Variants in ENOX1 observed in about 807,000 individuals in gnomAD.
The protein encoded by ENOX1 is ecto-NOX disulfide-thiol exchanger 1.
In ENOX1, 42 loss-of-function variants were observed where a neutral mutation model predicts 82.5. That is an observed-to-expected ratio of 0.51 (90% CI 0.40 to 0.66). ENOX1 has a LOEUF of 0.66. Among genes scored for constraint, ENOX1 ranks in the 30% least tolerant of loss-of-function variants. The pLI is 0.00. For missense variants in ENOX1, 608 were observed against 811.6 expected (o/e 0.75, Z 3.05); for synonymous variants, 271 against 282.2 (o/e 0.96, Z 0.40).
intron 2 of ENOX1, among the ~76,000 whole-genome samples, chr13:43,532,513 G>A (rs946189311): frequency 1.3e-5 from 2 of 152,104 alleles, no homozygotes; most frequent in East Asian, 3.8e-4. Flanking sequence ...AAAAGCAATG[G>A]TTGGTAAAAC....
chr13:43,589,665 A>C (rs2081154817), intron 2 of ENOX1, among the ~76,000 whole-genome samples: 2 of 152,262 alleles, frequency 1.3e-5, no homozygotes, highest in East Asian at 3.9e-4. Context: ...ACTATGCCCA[A>C]CTAATTTTTT....
At chr13:43,653,755 C>T (rs565697378) in intron 2 of ENOX1, among the ~76,000 whole-genome samples, 1 of 106,334 alleles carries the variant, frequency 9.4e-6, no homozygotes, top group East Asian at 2.9e-4. Context: ...TTGCATTTCC[C>T]ATACCTACTC....
At chr13:43,747,019 G>A (rs1950057816) in intron 1 of ENOX1, among the ~76,000 whole-genome samples, 1 of 152,144 alleles carries the variant, frequency 6.6e-6, no homozygotes, top group Admixed American at 6.6e-5. Context: ...AAGTGTTTCA[G>A]CTATTGGGAC....
chr13:43,541,486 G>A (rs991635846), intron 2 of ENOX1, among the ~76,000 whole-genome samples: 1 of 152,090 alleles, frequency 6.6e-6, no homozygotes, highest in African/African-American at 2.4e-5. Context: ...GGGCAAAAGT[G>A]CGAGAGCTGT....
At chr13:43,255,246 C>T (rs2043679713) in intron 14 of ENOX1, among the ~76,000 whole-genome samples, 1 of 152,052 alleles carries the variant, frequency 6.6e-6, no homozygotes, top group Admixed American at 6.5e-5. Context: ...TTCAACATCT[C>T]TTCATGATAA....
intron 2 of ENOX1, among the ~76,000 whole-genome samples, chr13:43,587,331 C>T (rs2081044571): frequency 6.6e-6 from 1 of 152,110 alleles, no homozygotes; most frequent in Non-Finnish European, 1.5e-5. Context: ...TTCTCTGGCC[C>T]ATCTCCAATT....
intron 15 of ENOX1, 79 bp from the exon 16 acceptor site, chr13:43,224,217 G>T: frequency 8.7e-7 from 1 of 1,151,014 alleles, no homozygotes; most frequent in Non-Finnish European, 1.3e-6. Context: ...TCTAATCCCA[G>T]TGACTATTTT....
At chr13:43,645,896 G>A (rs1219645905) in intron 2 of ENOX1, among the ~76,000 whole-genome samples, 3 of 152,160 alleles carry the variant, frequency 2.0e-5, no homozygotes, top group Admixed American at 1.3e-4. Flanking sequence ...ACTATTCAAG[G>A]ATGTCTGTAA....
chr13:43,557,915 T>C (rs1257349466), intron 2 of ENOX1, among the ~76,000 whole-genome samples: 1 of 152,194 alleles, frequency 6.6e-6, no homozygotes, highest in Non-Finnish European at 1.5e-5. Context: ...TCATAGCTGA[T>C]AGGGTGTGTA....
intron 1 of ENOX1, among the ~76,000 whole-genome samples, chr13:43,687,799 T>C (rs1399144971): frequency 6.6e-6 from 1 of 152,044 alleles, no homozygotes; most frequent in Admixed American, 6.6e-5. Flanking sequence ...GTAACTATAA[T>C]GACAGATGAA....
At chr13:43,355,060 C>A (rs556206089) in intron 8 of ENOX1, among the ~76,000 whole-genome samples, 97 of 152,320 alleles carry the variant, frequency 6.4e-4, no homozygotes, top group African/African-American at 2.3e-3. Flanking sequence ...TGGCCACCAA[C>A]TGTGACTTAC....
At chr13:43,331,067 T>C (rs1478510732) in intron 9 of ENOX1, among the ~76,000 whole-genome samples, 2 of 152,136 alleles carry the variant, frequency 1.3e-5, no homozygotes, top group African/African-American at 4.8e-5. Flanking sequence ...AGAATATCCA[T>C]TTATCCAGGA....
intron 1 of ENOX1, among the ~76,000 whole-genome samples, chr13:43,670,730 C>A (rs930297902): frequency 2.0e-5 from 3 of 152,022 alleles, no homozygotes; most frequent in African/African-American, 7.2e-5. Context: ...GTAATCCCAG[C>A]TACTCAGGAG....
chr13:43,264,369 G>A (rs1394901836), intron 14 of ENOX1, among the ~76,000 whole-genome samples: 1 of 152,150 alleles, frequency 6.6e-6, no homozygotes, highest in African/African-American at 2.4e-5. Context: ...AGTTCCCCGA[G>A]GGCAGACAAC....
intron 11 of ENOX1, among the ~76,000 whole-genome samples, chr13:43,302,532 C>T (rs1367915702): frequency 1.3e-5 from 2 of 152,000 alleles, no homozygotes; most frequent in African/African-American, 4.8e-5. Flanking sequence ...TTTTGCTAGG[C>T]AAGATTGTTA....
At chr13:43,552,355 A>C (rs2079235678) in intron 2 of ENOX1, among the ~76,000 whole-genome samples, 1 of 151,678 alleles carries the variant, frequency 6.6e-6, no homozygotes, top group Non-Finnish European at 1.5e-5. Context: ...CTAAAAAAAA[A>C]AAAAAAAAGA....
At chr13:43,300,879 C>CGGAGAAATTTCTGTT in intron 11 of ENOX1, among the ~76,000 whole-genome samples, 1 of 152,308 alleles carries the variant, frequency 6.6e-6, no homozygotes, top group African/African-American at 2.4e-5. Flanking sequence ...CAGAGACCTA[C>CGGAGAAATTTCTGTT]TCATAAAATC....
At chr13:43,672,145 C>CA (rs1397901822) in intron 1 of ENOX1, among the ~76,000 whole-genome samples, 2 of 152,164 alleles carry the variant, frequency 1.3e-5, no homozygotes, top group Non-Finnish European at 2.9e-5. Flanking sequence ...ATTGCCCCCT[C>CA]AGACTTGAGC....
intron 5 of ENOX1, among the ~76,000 whole-genome samples, chr13:43,389,193 A>G (rs1405307827): frequency 6.6e-6 from 1 of 152,204 alleles, no homozygotes; most frequent in Non-Finnish European, 1.5e-5. Context: ...CTAAACGACC[A>G]TGTCATCTGT....
Sources: allele counts gnomAD v4.1 joint callset (sites outside exome capture counted in the v4.1 genomes callset), GRCh38; gene constraint gnomAD v4.1.1; transcripts MANE v1.5; gene names NCBI Gene and HGNC (gene_info 2026-07-23, HGNC 2026-07-21).